The following KDM4D variants were observed in gnomAD, a reference collection of about 807,000 sequenced individuals.
KDM4D encodes lysine demethylase 4D, also known as lysine-specific demethylase 4D.
For missense variants in KDM4D, 427 were observed against 674.8 expected, an observed-to-expected ratio of 0.63 and a Z score of 4.07; for synonymous variants, 254 against 249.1, an observed-to-expected ratio of 1.02 and a Z score of -0.19.
rs587690632 is a variant in KDM4D, at chr11:94,996,353, C to G, written c.-349-671C>G. Among the ~76,000 whole-genome samples the G allele has an allele frequency of 9.5e-4, 144 of 152,270 alleles. No homozygotes were observed. The Middle Eastern group carries it at 0.01, about 11-fold the overall frequency. ...TACTCAAGAGATCCCCTCAAGCCCCCCTACACAACAACCCCTCTTTTCCCA... is the reference window on the plus strand; with the variant it reads ...TACTCAAGAGATCCCCTCAAGCCCCGCTACACAACAACCCCTCTTTTCCCA... On this transcript the variant is annotated intron_variant, in intron 2 of 2. Transcript: ENST00000335080.
intron 2 of KDM4D, among the ~76,000 whole-genome samples, chr11:94,976,073 G>T (rs939424602): frequency 2.0e-5 from 3 of 152,112 alleles, no homozygotes; most frequent in Non-Finnish European, 4.4e-5. Flanking sequence ...GACTTAAATG[G>T]TTTGAAAGTA....
At chr11:94,981,675 T>C (rs897083683) in intron 2 of KDM4D, among the ~76,000 whole-genome samples, 25 of 152,040 alleles carry the variant, frequency 1.6e-4, no homozygotes, top group Non-Finnish European at 1.5e-5. Flanking sequence ...GCAGCATCTG[T>C]AGTGATGACT....
chr11:94,988,950 C>T (rs1213116589), intron 2 of KDM4D, among the ~76,000 whole-genome samples: 3 of 152,136 alleles, frequency 2.0e-5, no homozygotes, highest in Admixed American at 2.0e-4. Context: ...AACCTGAAGA[C>T]TCATCAGTCT....
chr11:94,974,173 T>C (rs1857775198), intron 1 of KDM4D, 105 bp downstream of exon 1: 1 of 152,228 alleles, frequency 6.6e-6, no homozygotes, highest in African/African-American at 2.4e-5. Context: ...GGAGGGGAGA[T>C]GTCAGTATTT....
intron 2 of KDM4D, among the ~76,000 whole-genome samples, chr11:94,996,438 C>A (rs1286902138): frequency 6.6e-6 from 1 of 152,178 alleles, no homozygotes; most frequent in Non-Finnish European, 1.5e-5. Context: ...GCCAAAAGGC[C>A]AAGAAGCAAT....
intron 2 of KDM4D, among the ~76,000 whole-genome samples, chr11:94,989,894 T>C (rs1041238183): frequency 2.6e-5 from 4 of 152,012 alleles, no homozygotes; most frequent in African/African-American, 9.7e-5. Context: ...CCCAAGTAGC[T>C]GGGATTACAG....
chr11:94,991,802 TAA>T (rs782085338), intron 2 of KDM4D, among the ~76,000 whole-genome samples: 1 of 137,524 alleles, frequency 7.3e-6, no homozygotes, highest in Admixed American at 7.2e-5. Context: ...AAGAAAGAAC[TAA>T]AAAAAAAAAA....
At chr11:94,986,938 A>G (rs1857893229) in intron 2 of KDM4D, among the ~76,000 whole-genome samples, 2 of 152,278 alleles carry the variant, frequency 1.3e-5, no homozygotes, top group Admixed American at 6.5e-5. Flanking sequence ...TGATGAATGG[A>G]TAAGTAAAAT....
chr11:94,982,164 A>G (rs587636157), intron 2 of KDM4D, among the ~76,000 whole-genome samples: 24 of 151,978 alleles, frequency 1.6e-4, no homozygotes, highest in African/African-American at 5.5e-4. Context: ...GTTTGTGGTC[A>G]AATAACATAT....
At position 94,973,793 on chromosome 11, in the gene KDM4D, T is replaced by A. The variant is rs1857769735; in HGVS notation, c.-720T>A. On this transcript the variant is annotated 5_prime_UTR_variant, in exon 1 of 3. Transcript: ENST00000335080. Reference sequence around the variant, plus strand: ...AACCAATTACTTAATGTCTCTTCCGTCTTTTCCGTCCCCGACCCCCTCCCA... The same window carrying A: ...AACCAATTACTTAATGTCTCTTCCGACTTTTCCGTCCCCGACCCCCTCCCA... The A allele has an allele frequency of 6.6e-6, 1 of 152,366 alleles. No individual in the cohort carries two copies. Among genetic ancestry groups the A allele is most frequent in the South Asian group, 2.1e-4 (1 of 4,834 alleles). 9.4% of individuals were successfully genotyped at this position (152,366 alleles called of 1,614,324 possible). A position where few individuals can be genotyped will look rare whatever the true frequency, so the allele number is the denominator to read the frequency against.
intron 2 of KDM4D, among the ~76,000 whole-genome samples, chr11:94,978,865 A>G (rs1857820135): frequency 1.3e-5 from 2 of 152,192 alleles, no homozygotes; most frequent in South Asian, 4.1e-4. Context: ...AGAAAAATCC[A>G]CTAGGAAAAT....
At chr11:94,995,612 A>T (rs587718943) in intron 2 of KDM4D, among the ~76,000 whole-genome samples, 1 of 152,300 alleles carries the variant, frequency 6.6e-6, no homozygotes, top group Admixed American at 6.5e-5. Flanking sequence ...ACTCAGGAAG[A>T]TGTCAAGACA....
chr11:94,982,344 G>A (rs147111416), intron 2 of KDM4D, among the ~76,000 whole-genome samples: 6 of 151,858 alleles, frequency 4.0e-5, no homozygotes, highest in Middle Eastern at 3.4e-3. Flanking sequence ...TAGGGTCCAG[G>A]TTTATGCCTG....
Position 94,998,724 on chromosome 11 carries a change from G to A in KDM4D, c.1352G>A (p.Arg451His), listed in dbSNP as rs201708087. ...AQIIHPSNGR[R>H]GRGRPPQKLR... ...ATTATCCACCCGTCAAATGGCAGAC[G>A]TGGTCGTGGTCGCCCTCCTCAGAAA... Residue 451 changes from arginine to histidine, a missense_variant, in exon 3 of 3, where the codon CGT becomes CAT. Physicochemically the swap from Arg to His is conservative, Grantham distance 29. Transcript: ENST00000335080. This position sits in a 1 kb window ranked among gnomAD's most constrained non-coding sequence, Gnocchi z 6.7. 11 of 1,614,140 alleles carry A rather than the reference G, an allele frequency of 6.8e-6. No homozygotes were observed. The highest frequency in any genetic ancestry group is 1.7e-5 in the Admixed American group (1 of 60,032).
chr11:94,992,645 T>C (rs1489806107), intron 2 of KDM4D, among the ~76,000 whole-genome samples: 1 of 152,278 alleles, frequency 6.6e-6, no homozygotes, highest in Admixed American at 6.5e-5. Context: ...TTCTATAATG[T>C]AATTTCATTT....
At position 94,998,509 on chromosome 11, in the gene KDM4D, C is replaced by T; in HGVS notation, c.1137C>T (p.Ser379=). The change falls in exon 3 of 3, where the codon TCC becomes TCT. Residue 379 remains serine (S), a synonymous_variant. Transcript: ENST00000335080. The surrounding 1 kb of genome is among the most constrained non-coding windows in gnomAD (Gnocchi z 6.7). ...RAALGLRQLP[S]HWARHSPWPM... is the part of the protein sequence containing the mutation. ...CGCTGGGCCTGAGACAACTCCCTTCCCACTGGGCCCGGCATTCCCCTTGGC... is the reference window on the plus strand; with the variant it reads ...CGCTGGGCCTGAGACAACTCCCTTCTCACTGGGCCCGGCATTCCCCTTGGC... 1 of 1,612,426 alleles carries T rather than the reference C, an allele frequency of 6.2e-7. No individual in the cohort carries two copies. Among genetic ancestry groups the T allele is most frequent in the Non-Finnish European group, 8.5e-7 (1 of 1,180,010 alleles).
chr11:94,991,930 A>G (rs1324484114), intron 2 of KDM4D, among the ~76,000 whole-genome samples: 1 of 152,118 alleles, frequency 6.6e-6, no homozygotes, highest in Non-Finnish European at 1.5e-5. Flanking sequence ...AACAACACAC[A>G]TAATGAACAG....
chr11:94,995,967 C>T (rs587620079), intron 2 of KDM4D, among the ~76,000 whole-genome samples: 120 of 152,200 alleles, frequency 7.9e-4, no homozygotes, highest in African/African-American at 2.7e-3. Context: ...CTAGATTGGT[C>T]CATGTAGGGC....
chr11:94,994,123 T>C (rs1857958018), intron 2 of KDM4D, among the ~76,000 whole-genome samples: 1 of 152,210 alleles, frequency 6.6e-6, no homozygotes, highest in Admixed American at 6.5e-5. Context: ...GGTGTCTAGA[T>C]GTCCTTGGGG....
Sources: allele counts gnomAD v4.1 joint callset (sites outside exome capture counted in the v4.1 genomes callset), GRCh38; gene constraint gnomAD v4.1.1; non-coding constraint Gnocchi (gnomAD v3.1); transcripts MANE v1.5; gene names NCBI Gene and HGNC (gene_info 2026-07-23, HGNC 2026-07-21).